YEATS2: variants seen among roughly 807,000 people sequenced by gnomAD.
YEATS2 encodes the protein YEATS domain containing 2.
YEATS2 carries 77 observed loss-of-function variants against 163.2 expected under a neutral mutation model. The observed-to-expected ratio is 0.47, with a 90% CI of 0.39 to 0.57. The LOEUF (loss-of-function observed/expected upper bound fraction) is 0.57, where lower values mean the gene tolerates loss of function less well. Among genes scored for constraint, YEATS2 ranks in the 20% least tolerant of loss-of-function variants. The pLI is 0.00. For missense variants in YEATS2, 1,549 were observed against 1,729.8 expected (o/e 0.90, Z 1.85); for synonymous variants, 631 against 645.1 (o/e 0.98, Z 0.33).
At chr3:183,809,352 G>A (rs1726558246) in intron 30 of YEATS2, 182 bp downstream of exon 30, 4 of 584,824 alleles carry the variant, frequency 6.8e-6, no homozygotes, top group East Asian at 2.8e-5. Flanking sequence ...CCTCATGGTT[G>A]TGAAAGCTCA....
chr3:183,719,466 A>G (rs1716266855), intron 4 of YEATS2, among the ~76,000 whole-genome samples: 1 of 151,998 alleles, frequency 6.6e-6, no homozygotes, highest in Non-Finnish European at 1.5e-5. Context: ...TTTTCCTCCT[A>G]ATTGTTAGCA....
chr3:183,801,460 A>G lies in YEATS2; in HGVS notation c.3434A>G (p.Asp1145Gly). 6.2e-7 allele frequency: 1 copy of G among 1,608,434 alleles called. No homozygotes were observed. Among genetic ancestry groups the G allele is most frequent in the African/African-American group, 1.3e-5 (1 of 74,878 alleles). The part of the protein sequence containing the change: ...SELGNYVIKI[D>G]HLETIQQLLT... ...TTTTTTTTTATCTCTCTCAGGATAG[A>G]CCATTTAGAAACTATCCAGCAACTC... Residue 1145 changes from aspartate (D) to glycine (G), a missense_variant, in exon 25 of 31, where the codon GAC (aspartate) becomes GGC (glycine). Asp to Gly is a moderately conservative substitution (Grantham distance 94). Transcript: ENST00000305135.
chr3:183,777,821 G>A (rs1418110501), intron 19 of YEATS2, 121 bp downstream of exon 19: 1 of 1,322,480 alleles, frequency 7.6e-7, no homozygotes, highest in Admixed American at 2.9e-5. Flanking sequence ...TGAACAATAA[G>A]GCCAGGAGTG....
Position 183,801,512 on chromosome 3 carries a change from A to T in YEATS2, c.3486A>T (p.Pro1162=), listed in dbSNP as rs1725663838. Residue 1162 remains proline (P), a synonymous_variant, in exon 25 of 31, where the codon CCA becomes CCT. Coordinates refer to ENST00000305135, the MANE Select transcript of YEATS2 (RefSeq NM_018023.5). ...QLLTAVVKKI[P]LITAKSEDAS... is the part of the protein sequence containing the mutation. ...TAACTGCAGTAGTAAAGAAGATTCC[A>T]TTAATCACTGCAAAAAGTAAGACAA... The T allele has an allele frequency of 1.9e-6, 3 of 1,610,536 alleles. No homozygotes were observed. The highest frequency in any genetic ancestry group is 2.5e-6 in the Non-Finnish European group (3 of 1,178,230).
At chr3:183,730,972 T>C (rs973640940) in intron 7 of YEATS2, among the ~76,000 whole-genome samples, 12 of 152,078 alleles carry the variant, frequency 7.9e-5, no homozygotes, top group Non-Finnish European at 1.6e-4. Context: ...AATAGTTGGA[T>C]TGGGGTGAAA....
chr3:183,754,195 C>A lies in YEATS2; in HGVS notation c.1220C>A (p.Thr407Lys). 6.2e-7 allele frequency: 1 copy of A among 1,613,472 alleles called. No individual in the cohort carries two copies. Among genetic ancestry groups the A allele is most frequent in the South Asian group, 1.1e-5 (1 of 91,004 alleles). ...FYALPSSLER[T>K]PTKMTTSQKV... is the part of the protein sequence containing the mutation. Reference sequence around the variant, plus strand: ...GCTTTGCCATCTTCATTGGAAAGAACACCCACCAAAATGACTACATCCCAG... The same window carrying A: ...GCTTTGCCATCTTCATTGGAAAGAAAACCCACCAAAATGACTACATCCCAG... The change falls in exon 11 of 31, where the codon ACA becomes AAA. Residue 407 changes from threonine (T) to lysine (K), a missense_variant. Physicochemically the swap from Thr to Lys is moderately conservative, Grantham distance 78. Transcript: ENST00000305135.
chr3:183,770,248 CGTGGTGGCGCCTGTAGT>C (rs1722319824), intron 15 of YEATS2, among the ~76,000 whole-genome samples: 1 of 151,574 alleles, frequency 6.6e-6, no homozygotes, highest in Non-Finnish European at 1.5e-5. Flanking sequence ...ATTAGCTGGG[CGTGGTGGCGCCTGTAGT>C]CCCAGCTACT....
intron 8 of YEATS2, among the ~76,000 whole-genome samples, chr3:183,738,481 C>T (rs1223641060): frequency 7.1e-6 from 1 of 140,230 alleles, no homozygotes; most frequent in Non-Finnish European, 1.5e-5. Flanking sequence ...ATACATGTGC[C>T]ATACTGGTGC....
rs752685153 is a variant in YEATS2 at position 183,803,279 on chromosome 3, G to A, written c.3526G>A (p.Ala1176Thr). 2 of 1,611,854 alleles carry A rather than the reference G, an allele frequency of 1.2e-6. No homozygotes were observed. The highest frequency in any genetic ancestry group is 1.7e-6 in the Non-Finnish European group (2 of 1,179,860). ...AKSEDASCFSAKSVEQYYGWN... is the reference protein window; with the variant it reads ...AKSEDASCFSTKSVEQYYGWN... ...AGGTGAAGATGCCAGCTGCTTTTCT[G>A]CAAAGTCTGTGGAGCAGTACTATGG... The change falls in exon 26 of 31, where the codon GCA becomes ACA. Residue 1176 changes from alanine (A) to threonine (T), a missense_variant. Physicochemically the swap from Ala to Thr is moderately conservative, Grantham distance 58. Coordinates refer to ENST00000305135, the MANE Select transcript of YEATS2 (RefSeq NM_018023.5).
At chr3:183,802,515 A>ACG (rs1560335052) in intron 25 of YEATS2, 179 of 151,374 alleles carry the variant, frequency 1.2e-3, no homozygotes, top group African/African-American at 4.0e-3. Flanking sequence ...GTGTGTATAC[A>ACG]TGTATATATA....
intron 7 of YEATS2, among the ~76,000 whole-genome samples, chr3:183,730,063 T>TG (rs1560244421): frequency 6.3e-5 from 6 of 94,648 alleles, no homozygotes; most frequent in Non-Finnish European, 1.2e-4. Context: ...TTTTTTTTTT[T>TG]TTTTTTTTTT....
intron 5 of YEATS2, among the ~76,000 whole-genome samples, chr3:183,723,638 G>T (rs191082826): frequency 1.2e-3 from 185 of 152,264 alleles, no homozygotes; most frequent in Admixed American, 3.8e-3. Flanking sequence ...AGGAGGCTGG[G>T]CGTGGTGGCT....
chr3:183,803,738 T>A, intron 26 of YEATS2: 1 of 502,880 alleles, frequency 2.0e-6, no homozygotes, highest in South Asian at 2.4e-5. Context: ...AGGAGGGGAG[T>A]GGGAGAGCGC....
chr3:183,777,823 C>A, intron 19 of YEATS2, 123 bp downstream of exon 19: 1 of 1,317,816 alleles, frequency 7.6e-7, no homozygotes, highest in Non-Finnish European at 1.0e-6. Context: ...AACAATAAGG[C>A]CAGGAGTGGT....
chr3:183,701,574 A>G (rs1036256346), intron 1 of YEATS2, among the ~76,000 whole-genome samples: 3 of 151,350 alleles, frequency 2.0e-5, no homozygotes, highest in Admixed American at 1.3e-4. Flanking sequence ...TTTCTTTTTC[A>G]GTAGAGACAA....
intron 29 of YEATS2, 197 bp downstream of exon 29, chr3:183,808,301 A>G: frequency 3.5e-6 from 2 of 568,900 alleles, no homozygotes; most frequent in Non-Finnish European, 6.2e-6. Context: ...GTTTCCTCTG[A>G]GTCATGTGGT....
chr3:183,748,408 C>T (rs189916060), intron 9 of YEATS2, among the ~76,000 whole-genome samples: 1 of 151,934 alleles, frequency 6.6e-6, no homozygotes, highest in Non-Finnish European at 1.5e-5. Context: ...CGCGCCACCA[C>T]ACCCAGCTAA....
Position 183,798,745 on chromosome 3 carries a change from A to T in YEATS2, c.3227-146A>T, listed in dbSNP as rs1291027097. ...CCCTCATACCTAATAATCGCCCACTATTAAAAAGGGACTTTGCAATTCCTG... is the reference window on the plus strand; with the variant it reads ...CCCTCATACCTAATAATCGCCCACTTTTAAAAAGGGACTTTGCAATTCCTG... On this transcript the variant is annotated intron_variant, in intron 22 of 30. Coordinates refer to ENST00000305135, the MANE Select transcript of YEATS2 (RefSeq NM_018023.5). 1.5e-5 allele frequency: 10 copies of T among 645,566 alleles called. No homozygotes were observed. The South Asian group carries it at 1.8e-4, about 11-fold the overall frequency. 40.0% of individuals were successfully genotyped at this position (645,566 alleles called of 1,614,324 possible).
At chr3:183,751,698 G>T (rs971909772) in intron 9 of YEATS2, among the ~76,000 whole-genome samples, 1 of 152,202 alleles carries the variant, frequency 6.6e-6, no homozygotes, top group African/African-American at 2.4e-5. Context: ...TTATTCTTGG[G>T]TGGTTAGGCA....
Sources: allele counts gnomAD v4.1 joint callset (sites outside exome capture counted in the v4.1 genomes callset), GRCh38; gene constraint gnomAD v4.1.1; transcripts MANE v1.5; gene names NCBI Gene and HGNC (gene_info 2026-07-23, HGNC 2026-07-21).